Variants in BTRC observed in about 807,000 individuals in gnomAD.
BTRC encodes beta-transducin repeat containing E3 ubiquitin protein ligase, also known as F-box/WD repeat-containing protein 1A.
In BTRC, 42 loss-of-function variants were observed where a neutral mutation model predicts 85.5. The ratio of observed to expected loss-of-function variants is 0.49; its 90% CI spans 0.38 to 0.64. The LOEUF (loss-of-function observed/expected upper bound fraction) is 0.64. Among genes scored for constraint, BTRC ranks in the 30% least tolerant of loss-of-function variants. The pLI is 0.00. For missense variants in BTRC, 594 were observed against 743.5 expected (o/e 0.80, Z 2.34); for synonymous variants, 255 against 263.3 (o/e 0.97, Z 0.30).
chr10:101,412,152 T>C (rs573483398), intron 1 of BTRC, among the ~76,000 whole-genome samples: 1 of 152,350 alleles, frequency 6.6e-6, no homozygotes, highest in Admixed American at 6.5e-5. Flanking sequence ...GGAATTTCAC[T>C]GTATGTATAC....
chr10:101,395,451 A>G (rs1170248893), intron 1 of BTRC, among the ~76,000 whole-genome samples: 1 of 151,944 alleles, frequency 6.6e-6, no homozygotes, highest in Non-Finnish European at 1.5e-5. Context: ...GGAGTTCCTC[A>G]TTTTCCTGAG....
chr10:101,378,560 T>C (rs1942849488), intron 1 of BTRC, among the ~76,000 whole-genome samples: 1 of 148,564 alleles, frequency 6.7e-6, no homozygotes, highest in Non-Finnish European at 1.5e-5. Context: ...AGTCTCACTC[T>C]GTCACCCAGG....
At chr10:101,497,978 C>T (rs1264865464) in intron 4 of BTRC, among the ~76,000 whole-genome samples, 1 of 152,082 alleles carries the variant, frequency 6.6e-6, no homozygotes, top group Non-Finnish European at 1.5e-5. Context: ...CGTGATCGTT[C>T]CACTGCACTC....
At chr10:101,527,786 T>TACACA (rs1294398662) in intron 6 of BTRC, among the ~76,000 whole-genome samples, 1 of 136,980 alleles carries the variant, frequency 7.3e-6, no homozygotes, top group Non-Finnish European at 1.6e-5. Flanking sequence ...TCTCTCTCTC[T>TACACA]CTCTCACATA....
intron 3 of BTRC, among the ~76,000 whole-genome samples, chr10:101,462,348 G>T (rs879594674): frequency 2.0e-5 from 3 of 152,110 alleles, no homozygotes; most frequent in African/African-American, 7.2e-5. Flanking sequence ...TATTTTGTTT[G>T]CTTTTTCTAG....
intron 7 of BTRC, 70 bp from the exon 8 acceptor site, chr10:101,532,225 A>T: frequency 6.6e-7 from 1 of 1,505,894 alleles, no homozygotes; most frequent in Non-Finnish European, 8.9e-7. Flanking sequence ...ATTGATTGTC[A>T]TTAAAGCCTA....
At chr10:101,538,468 C>A in intron 13 of BTRC, 97 bp downstream of exon 13, 1 of 1,130,618 alleles carries the variant, frequency 8.8e-7, no homozygotes, top group Non-Finnish European at 1.3e-6. Flanking sequence ...TTAATAGTTA[C>A]AACCTCACAA....
At chr10:101,426,654 C>T (rs536057290) in intron 1 of BTRC, among the ~76,000 whole-genome samples, 49 of 152,136 alleles carry the variant, frequency 3.2e-4, no homozygotes, top group African/African-American at 7.7e-4. Context: ...ACAAAAATAA[C>T]GCAGATTTTT....
intron 4 of BTRC, among the ~76,000 whole-genome samples, chr10:101,480,858 T>C (rs1945815015): frequency 6.6e-6 from 1 of 152,210 alleles, no homozygotes; most frequent in Non-Finnish European, 1.5e-5. Flanking sequence ...ATAAATTACA[T>C]ATTTTTCAGT....
At chr10:101,366,934 ATATT>A (rs1314412712) in intron 1 of BTRC, among the ~76,000 whole-genome samples, 2 of 27,844 alleles carry the variant, frequency 7.2e-5, no homozygotes, top group Admixed American at 6.9e-4. Flanking sequence ...ATATTTATAT[ATATT>A]TATATATATT....
At chr10:101,461,785 ATAAT>A (rs1367882420) in intron 2 of BTRC, among the ~76,000 whole-genome samples, 192 bp from the exon 3 acceptor site, 4 of 152,194 alleles carry the variant, frequency 2.6e-5, no homozygotes, top group African/African-American at 4.8e-5. Context: ...AAATCCTTAC[ATAAT>A]TTATTTATAT....
intron 2 of BTRC, among the ~76,000 whole-genome samples, chr10:101,443,429 A>T (rs995195680): frequency 1.3e-5 from 2 of 152,230 alleles, no homozygotes; most frequent in African/African-American, 2.4e-5. Context: ...TCTAACTTGT[A>T]AAAATGGCCC....
At chr10:101,480,714 A>G (rs1945811360) in intron 4 of BTRC, among the ~76,000 whole-genome samples, 2 of 152,228 alleles carry the variant, frequency 1.3e-5, no homozygotes, top group Admixed American at 1.3e-4. Context: ...AATGTATCAC[A>G]CAAAATATAA....
intron 1 of BTRC, among the ~76,000 whole-genome samples, chr10:101,419,994 A>G (rs921531280): frequency 4.0e-5 from 6 of 151,854 alleles, no homozygotes; most frequent in Non-Finnish European, 8.8e-5. Flanking sequence ...GTTTGTTGCT[A>G]TTAGGTTGCT....
intron 2 of BTRC, among the ~76,000 whole-genome samples, chr10:101,458,435 C>G (rs7082104): frequency 0.33 from 49,750 of 151,922 alleles, 10,663 homozygotes; most frequent in East Asian, 0.66. Flanking sequence ...TGTTATACAA[C>G]TGTATGTTTT....
chr10:101,386,953 T>G (rs940373161), intron 1 of BTRC, among the ~76,000 whole-genome samples: 6 of 152,218 alleles, frequency 3.9e-5, no homozygotes, highest in Non-Finnish European at 7.3e-5. Context: ...ATTTTTGGGT[T>G]TGATGTGACG....
intron 12 of BTRC, among the ~76,000 whole-genome samples, chr10:101,537,275 C>G (rs971130481): frequency 5.3e-5 from 8 of 152,292 alleles, no homozygotes; most frequent in East Asian, 1.9e-4. Context: ...TGCATTTAAT[C>G]CCAGCACTTT....
chr10:101,387,329 A>G (rs1237007650), intron 1 of BTRC, among the ~76,000 whole-genome samples: 1 of 151,460 alleles, frequency 6.6e-6, no homozygotes, highest in Non-Finnish European at 1.5e-5. Flanking sequence ...TGTATTGGGA[A>G]CATTCAATAT....
At chr10:101,429,271 A>G (rs952871707) in intron 1 of BTRC, among the ~76,000 whole-genome samples, 3 of 152,178 alleles carry the variant, frequency 2.0e-5, no homozygotes, top group Non-Finnish European at 4.4e-5. Context: ...AACATGAAGA[A>G]TATAAAAATA....
Sources: gnomAD v4.1 joint callset for allele counts (sites outside exome capture counted in the v4.1 genomes callset) on GRCh38, gnomAD v4.1.1 for gene constraint, MANE v1.5 for transcripts, NCBI Gene and HGNC (gene_info 2026-07-23, HGNC 2026-07-21) for gene names.